Variants in CCDC60 observed in about 807,000 individuals in gnomAD.
CCDC60 encodes the protein coiled-coil domain containing 60.
Under a neutral mutation model 63.5 loss-of-function variants are expected in CCDC60, and 54 were observed. The observed-to-expected ratio is 0.85, with a 90% CI of 0.68 to 1.07. CCDC60 has a LOEUF of 1.07. Among genes scored for constraint, CCDC60 ranks in the 50% least tolerant of loss-of-function variants. The pLI, the probability that CCDC60 is intolerant of heterozygous loss-of-function variation, is 0.00. For synonymous variants in CCDC60, 206 were observed against 238.8 expected, an observed-to-expected ratio of 0.86 and a Z score of 1.27; for missense variants, 651 against 684.3, an observed-to-expected ratio of 0.95 and a Z score of 0.54.
chr12:119,524,721 C>CTTTTCTT lies in CCDC60; in HGVS notation c.1229+907_1229+908insCTTTTTT, dbSNP rs761586584. Among the ~76,000 whole-genome samples, 94 of 99,038 alleles carry CTTTTCTT rather than the reference C, an allele frequency of 9.5e-4. 2 individuals are homozygous for CTTTTCTT. The highest frequency in any genetic ancestry group is 3.9e-3 in the African/African-American group (83 of 21,266). The allele number at this position is 99,038 out of a possible 152,430, so 65.0% of individuals were successfully genotyped here. ...ACAGCAGTTTCTTTTCTTTTCTTTT[C>CTTTTCTT]TTTTTTTTTTTTTTTTTTTGAGACA... On this transcript the variant is annotated intron_variant, in intron 11 of 13. Transcript: ENST00000327554.
rs762127512 is a variant in CCDC60 at position 119,471,945 on chromosome 12, C to T, written c.171-49C>T. 2.9e-5 allele frequency: 44 copies of T among 1,516,200 alleles called. No homozygotes were observed. The Middle Eastern group carries it at 5.2e-4, about 18-fold the overall frequency. The allele number at this position is 1,516,200 out of a possible 1,614,324, so 93.9% of individuals were successfully genotyped here. ...CCTTCTCTTTCCTTCTCTCTCTCCA[C>T]CCTCCCACCTTCCTCCCTCTCTCCC... On this transcript the variant is annotated intron_variant, in intron 2 of 13. Transcript: ENST00000327554.
At chr12:119,346,077 G>A (rs545222696) in intron 1 of CCDC60, among the ~76,000 whole-genome samples, 13 of 149,138 alleles carry the variant, frequency 8.7e-5, no homozygotes, top group Admixed American at 1.3e-4. Flanking sequence ...TACCCACCTC[G>A]GCCTCCCAAA....
At chr12:119,409,480 A>C (rs577644644) in intron 1 of CCDC60, among the ~76,000 whole-genome samples, 1 of 152,288 alleles carries the variant, frequency 6.6e-6, no homozygotes, top group East Asian at 1.9e-4. Context: ...CCTTGCAATG[A>C]GGAAGAGGAG....
chr12:119,382,344 C>T (rs148511144), intron 1 of CCDC60, among the ~76,000 whole-genome samples: 665 of 152,294 alleles, frequency 4.4e-3, no homozygotes, highest in African/African-American at 0.015. Flanking sequence ...TGACAGCCAG[C>T]GCACTGGTCA....
chr12:119,370,661 A>G (rs1218345491), intron 1 of CCDC60, among the ~76,000 whole-genome samples: 2 of 152,200 alleles, frequency 1.3e-5, no homozygotes, highest in Admixed American at 6.5e-5. Flanking sequence ...GCTGAAATGC[A>G]GAAGTTCAGT....
chr12:119,418,728 C>T (rs1593059464), intron 1 of CCDC60, among the ~76,000 whole-genome samples: 1 of 152,098 alleles, frequency 6.6e-6, no homozygotes, highest in East Asian at 1.9e-4. Flanking sequence ...ACATAAAGTT[C>T]ATGTGCAGAT....
At chr12:119,473,832 G>A (rs1951117984) in intron 3 of CCDC60, among the ~76,000 whole-genome samples, 1 of 152,028 alleles carries the variant, frequency 6.6e-6, no homozygotes, top group African/African-American at 2.4e-5. Context: ...ATATATATAT[G>A]TATATACATA....
intron 1 of CCDC60, among the ~76,000 whole-genome samples, chr12:119,394,006 A>G (rs1339881706): frequency 6.6e-6 from 1 of 152,188 alleles, no homozygotes; most frequent in African/African-American, 2.4e-5. Flanking sequence ...AAGATGCTGG[A>G]ACTATGACAG....
chr12:119,337,810 G>GTGTGTGTGTGTA (rs1955487497), intron 1 of CCDC60, among the ~76,000 whole-genome samples: 1 of 140,402 alleles, frequency 7.1e-6, no homozygotes, highest in Non-Finnish European at 1.5e-5. Context: ...ATTCACGCAT[G>GTGTGTGTGTGTA]TGTGTGTGTG....
intron 5 of CCDC60, among the ~76,000 whole-genome samples, chr12:119,495,632 G>C (rs11064814): frequency 1.3e-5 from 2 of 152,182 alleles, no homozygotes; most frequent in South Asian, 4.1e-4. Flanking sequence ...ACTCATAATA[G>C]CATTTTTAAA....
At chr12:119,368,238 G>T in intron 1 of CCDC60, among the ~76,000 whole-genome samples, 1 of 146,856 alleles carries the variant, frequency 6.8e-6, no homozygotes, top group Non-Finnish European at 1.5e-5. Context: ...GAGGAGGAGG[G>T]GGAGGAGAAG....
intron 1 of CCDC60, among the ~76,000 whole-genome samples, chr12:119,395,022 G>C (rs1956225698): frequency 6.6e-6 from 1 of 152,198 alleles, no homozygotes; most frequent in Non-Finnish European, 1.5e-5. Flanking sequence ...TGAAGGATGA[G>C]TAGTTTTCCA....
chr12:119,536,617 C>G (rs201616153), intron 13 of CCDC60, among the ~76,000 whole-genome samples: 1 of 152,068 alleles, frequency 6.6e-6, no homozygotes. Context: ...CTGGTGGTGA[C>G]AAAAATCTCT....
intron 2 of CCDC60, among the ~76,000 whole-genome samples, chr12:119,450,424 A>T (rs532455326): frequency 3.9e-5 from 6 of 152,326 alleles, no homozygotes; most frequent in African/African-American, 1.2e-4. Context: ...TTTTTTAAAA[A>T]TTTTTAAAAT....
At chr12:119,355,672 GCTCCTTGC>G (rs1169785832) in intron 1 of CCDC60, among the ~76,000 whole-genome samples, 2 of 152,238 alleles carry the variant, frequency 1.3e-5, no homozygotes, top group East Asian at 3.8e-4. Flanking sequence ...CAGAACTGAT[GCTCCTTGC>G]AGAGCAGGGC....
intron 1 of CCDC60, among the ~76,000 whole-genome samples, chr12:119,401,809 C>A (rs1466073803): frequency 6.6e-6 from 1 of 152,186 alleles, no homozygotes; most frequent in African/African-American, 2.4e-5. Context: ...TCTTGTAACG[C>A]CCTGGTGTCA....
At chr12:119,531,220 C>A (rs967009170) in intron 13 of CCDC60, among the ~76,000 whole-genome samples, 157 bp downstream of exon 13, 1 of 152,132 alleles carries the variant, frequency 6.6e-6, no homozygotes, top group African/African-American at 2.4e-5. Flanking sequence ...TACCTGGTTG[C>A]CCAACTCCAA....
At chr12:119,385,526 A>C (rs972072624) in intron 1 of CCDC60, among the ~76,000 whole-genome samples, 1 of 152,242 alleles carries the variant, frequency 6.6e-6, no homozygotes, top group African/African-American at 2.4e-5. Flanking sequence ...GCCTGCTGCC[A>C]CGTAAGACGT....
At chr12:119,351,669 C>T (rs189839875) in intron 1 of CCDC60, among the ~76,000 whole-genome samples, 7 of 152,314 alleles carry the variant, frequency 4.6e-5, no homozygotes, top group Non-Finnish European at 8.8e-5. Flanking sequence ...CATGAAAGAA[C>T]CACTCTTTGC....
Sources: gnomAD v4.1 joint callset for allele counts (sites outside exome capture counted in the v4.1 genomes callset) on GRCh38, gnomAD v4.1.1 for gene constraint, MANE v1.5 for transcripts, NCBI Gene and HGNC (gene_info 2026-07-23, HGNC 2026-07-21) for gene names.